The following TAF4B variants were observed in gnomAD, a reference collection of about 807,000 sequenced individuals.
TAF4B encodes transcription initiation factor TFIID subunit 4B.
In TAF4B, 38 loss-of-function variants were observed where a neutral mutation model predicts 86.4. The ratio of observed to expected loss-of-function variants is 0.44; its 90% CI spans 0.34 to 0.58. The LOEUF is 0.58. TAF4B is among the 20% of genes least tolerant of loss of function. The pLI, the probability that TAF4B is intolerant of heterozygous loss-of-function variation, is 0.02. For missense variants in TAF4B, 988 were observed against 1,027.6 expected, an observed-to-expected ratio of 0.96 and a Z score of 0.53; for synonymous variants, 388 against 391.2, an observed-to-expected ratio of 0.99 and a Z score of 0.10.
chr18:26,301,292 G>GT (rs373495502), intron 9 of TAF4B, among the ~76,000 whole-genome samples: 9,749 of 143,290 alleles, frequency 0.068, 336 homozygotes, highest in African/African-American at 0.083. Flanking sequence ...TGTTGTTGTT[G>GT]TTTTTTTTTT....
In TAF4B at chr18:26,339,171, T is replaced by C. The variant is rs531555660; in HGVS notation, c.2316+3940T>C. Among the ~76,000 whole-genome samples the C allele has an allele frequency of 1.2e-4, 19 of 152,346 alleles. No individual in the cohort carries two copies. In the South Asian group the frequency reaches 3.1e-3, roughly 25 times the overall value. On this transcript the variant is annotated intron_variant, in intron 13 of 14. Coordinates refer to ENST00000269142, the MANE Select transcript of TAF4B (RefSeq NM_005640.3). ...GCCTGAAAAAACATTATAAGCGTCCTCTCTCTTTTTCTCGCTATTATAACT... is the reference window on the plus strand; with the variant it reads ...GCCTGAAAAAACATTATAAGCGTCCCCTCTCTTTTTCTCGCTATTATAACT...
intron 14 of TAF4B, among the ~76,000 whole-genome samples, 191 bp downstream of exon 14, chr18:26,357,985 T>C (rs2057301447): frequency 1.3e-5 from 2 of 152,236 alleles, no homozygotes; most frequent in African/African-American, 4.8e-5. Context: ...CTTGAACTTG[T>C]TACTTATTTC....
rs567721509 is a variant in TAF4B at position 26,283,566 on chromosome 18, T to G, written c.972+1506T>G. ...GGCAGAGTAGATTTAGCATAATTCTTAAGAGCCCTAGGATTTTTGGAATAG... is the reference window on the plus strand; with the variant it reads ...GGCAGAGTAGATTTAGCATAATTCTGAAGAGCCCTAGGATTTTTGGAATAG... On this transcript the variant is annotated intron_variant, in intron 6 of 14. Coordinates refer to ENST00000269142, the MANE Select transcript of TAF4B (RefSeq NM_005640.3). 2.0e-5 allele frequency among the ~76,000 whole-genome samples: 3 copies of G among 152,290 alleles called. 1 individual carries two copies. In the East Asian group the frequency reaches 5.8e-4, roughly 29 times the overall value.
intron 10 of TAF4B, 99 bp from the exon 11 acceptor site, chr18:26,320,971 T>A: frequency 7.1e-7 from 1 of 1,406,584 alleles, no homozygotes; most frequent in South Asian, 1.3e-5. Context: ...TTATTCATAA[T>A]GGGTATGACT....
intron 1 of TAF4B, among the ~76,000 whole-genome samples, chr18:26,244,793 G>A (rs1010990465): frequency 1.3e-5 from 2 of 152,200 alleles, no homozygotes; most frequent in African/African-American, 4.8e-5. Flanking sequence ...AGTGGGAGTA[G>A]CCTTGGAGAA....
chr18:26,264,739 G>C (rs149000275), intron 1 of TAF4B, among the ~76,000 whole-genome samples: 2 of 152,178 alleles, frequency 1.3e-5, no homozygotes, highest in Non-Finnish European at 2.9e-5. Flanking sequence ...ATAGCTAATT[G>C]ACCAGCCCCA....
intron 14 of TAF4B, among the ~76,000 whole-genome samples, chr18:26,378,944 C>T (rs12966743): frequency 0.21 from 31,810 of 152,016 alleles, 4,193 homozygotes; most frequent in Non-Finnish European, 0.3. Flanking sequence ...TTCAGTGTTA[C>T]TGGACTGTTT....
Position 26,227,150 on chromosome 18 carries a change from G to C in TAF4B, c.217G>C (p.Val73Leu). Reference sequence around the variant, plus strand: ...CCCCGTGGGGACCCTGGTGACCAAAGTGGCTCCGGTCAGCGCCCCTCCTAA... The same window carrying C: ...CCCCGTGGGGACCCTGGTGACCAAACTGGCTCCGGTCAGCGCCCCTCCTAA... ...RSPVGTLVTK[V>L]APVSAPPKVS... is the part of the protein sequence containing the mutation. The change falls in exon 1 of 15, where the codon GTG becomes CTG. Residue 73 changes from valine (V) to leucine (L), a missense_variant. Physicochemically the swap from Val to Leu is conservative, Grantham distance 32. Transcript: ENST00000269142. The C allele has an allele frequency of 1.5e-5, 24 of 1,614,126 alleles. No individual in the cohort carries two copies. Among genetic ancestry groups the C allele is most frequent in the Non-Finnish European group, 1.9e-5 (23 of 1,180,020 alleles).
chr18:26,353,574 T>G (rs1211326479), intron 13 of TAF4B, among the ~76,000 whole-genome samples: 2 of 152,126 alleles, frequency 1.3e-5, no homozygotes, highest in African/African-American at 4.8e-5. Context: ...TCTCTTAAAG[T>G]AAGAAATTTT....
At chr18:26,372,235 CT>C (rs2057410329) in intron 14 of TAF4B, among the ~76,000 whole-genome samples, 1 of 152,134 alleles carries the variant, frequency 6.6e-6, no homozygotes, top group African/African-American at 2.4e-5. Flanking sequence ...GTAAACTTTC[CT>C]GGAGGAATTG....
intron 4 of TAF4B, 34 bp downstream of exon 4, chr18:26,274,858 T>C (rs1274817015): frequency 6.2e-7 from 1 of 1,613,520 alleles, no homozygotes; most frequent in Admixed American, 1.7e-5. Context: ...ATAAATCTTG[T>C]TCCTTGCAAG....
chr18:26,323,526 AT>A (rs11310174), intron 11 of TAF4B, among the ~76,000 whole-genome samples: 126,713 of 130,780 alleles, frequency 0.97, 61,406 homozygotes, highest in Middle Eastern at 0.98. Flanking sequence ...CACCCAACTA[AT>A]TTTTTTTTTT....
Position 26,281,841 on chromosome 18 carries a change from A to G in TAF4B, c.883-130A>G, listed in dbSNP as rs943356304. On this transcript the variant is annotated intron_variant, in intron 5 of 14. Coordinates refer to ENST00000269142, the MANE Select transcript of TAF4B (RefSeq NM_005640.3). ...ACACATTTCATAGGTGGCATGAAGA[A>G]AAAAGCCTATATTTAATTGACTTTA... 6.4e-6 allele frequency: 4 copies of G among 621,888 alleles called. No homozygotes were observed. The Admixed American group carries it at 9.3e-5, about 14-fold the overall frequency. 38.5% of individuals were successfully genotyped at this position (621,888 alleles called of 1,614,324 possible). A position where few individuals can be genotyped will look rare whatever the true frequency, so the allele number is the denominator to read the frequency against.
chr18:26,377,412 T>C (rs967925561), intron 14 of TAF4B, among the ~76,000 whole-genome samples: 1 of 152,202 alleles, frequency 6.6e-6, no homozygotes, highest in African/African-American at 2.4e-5. Flanking sequence ...ATATGTGGTC[T>C]TGTATCCTTT....
chr18:26,309,959 G>C (rs1226610881), intron 9 of TAF4B, among the ~76,000 whole-genome samples: 1 of 152,108 alleles, frequency 6.6e-6, no homozygotes, highest in Non-Finnish European at 1.5e-5. Context: ...CGAGTAGCTG[G>C]GATTAGAGGC....
At chr18:26,379,313 C>G (rs1046218592) in intron 14 of TAF4B, among the ~76,000 whole-genome samples, 2 of 152,010 alleles carry the variant, frequency 1.3e-5, no homozygotes, top group Non-Finnish European at 2.9e-5. Flanking sequence ...CTGTGTTTTC[C>G]TAGAAGCTTT....
At chr18:26,256,338 G>A in intron 1 of TAF4B, 2 of 1,451,400 alleles carry the variant, frequency 1.4e-6, no homozygotes, top group Non-Finnish European at 1.9e-6. Flanking sequence ...GTACATCTTT[G>A]GCGTGTGAAA....
rs139145185 is a variant in TAF4B, at chr18:26,306,360, A to G, written c.1833-8869A>G. Reference sequence around the variant, plus strand: ...TAGAGAGGTAAATTTTGCTTGGCCAACCAACATAAAGTAGCTTCCACAGTG... The same window carrying G: ...TAGAGAGGTAAATTTTGCTTGGCCAGCCAACATAAAGTAGCTTCCACAGTG... On this transcript the variant is annotated intron_variant, in intron 9 of 14. Transcript: ENST00000269142. Among the ~76,000 whole-genome samples, 46 of 152,232 alleles carry G rather than the reference A, an allele frequency of 3.0e-4. 1 individual carries two copies. Among genetic ancestry groups the G allele is most frequent in the African/African-American group, 1.0e-3 (43 of 41,544 alleles).
intron 9 of TAF4B, among the ~76,000 whole-genome samples, chr18:26,313,970 CTTTCT>C (rs2056877094): frequency 6.6e-6 from 1 of 152,094 alleles, no homozygotes. Context: ...TCCTGGCCTA[CTTTCT>C]TTTATTTTGC....
Sources: gnomAD v4.1 joint callset for allele counts (sites outside exome capture counted in the v4.1 genomes callset) on GRCh38, gnomAD v4.1.1 for gene constraint, MANE v1.5 for transcripts, NCBI Gene and HGNC (gene_info 2026-07-23, HGNC 2026-07-21) for gene names.